TENM3: variants seen among roughly 807,000 people sequenced by gnomAD.
The protein encoded by TENM3 is teneurin-3.
Under a neutral mutation model 255.1 loss-of-function variants are expected in TENM3, and 63 were observed. The ratio of observed to expected loss-of-function variants is 0.25; its 90% CI spans 0.20 to 0.30. The LOEUF (loss-of-function observed/expected upper bound fraction) is 0.30. TENM3 is among the 10% of genes least tolerant of loss of function. TENM3 has a pLI of 1.00. For missense variants in TENM3, 2,929 were observed against 3,461.1 expected, an observed-to-expected ratio of 0.85 and a Z score of 3.86; for synonymous variants, 1,306 against 1,322.3, an observed-to-expected ratio of 0.99 and a Z score of 0.27.
At chr4:181,613,217 G>A in the TENM3 span, among the ~76,000 whole-genome samples, 164 of 152,288 alleles carry the variant, frequency 1.1e-3, no homozygotes, top group African/African-American at 3.5e-3. Flanking sequence ...TGCTACGTAC[G>A]TGAAGGGGAG....
chr4:181,469,199 A>C, the TENM3 span, among the ~76,000 whole-genome samples: 2 of 152,178 alleles, frequency 1.3e-5, no homozygotes, highest in Admixed American at 1.3e-4. Context: ...TTCCTGGCTT[A>C]AGAGTACAAT....
chr4:181,836,183 G>GCACACACACACACACACACACACA, the TENM3 span, among the ~76,000 whole-genome samples: 1 of 148,844 alleles, frequency 6.7e-6, no homozygotes, highest in Admixed American at 6.7e-5. Flanking sequence ...ATACACACAT[G>GCACACACACACACACACACACACA]CACACACACA....
At chr4:182,269,925 G>A (rs938747304) in intron 1 of TENM3, among the ~76,000 whole-genome samples, 2 of 152,130 alleles carry the variant, frequency 1.3e-5, no homozygotes, top group African/African-American at 2.4e-5. Flanking sequence ...ATCAACACAC[G>A]TAAGGTATAC....
chr4:181,499,146 C>T, the TENM3 span, among the ~76,000 whole-genome samples: 1 of 152,190 alleles, frequency 6.6e-6, no homozygotes, highest in Non-Finnish European at 1.5e-5. Context: ...AGGATGACCA[C>T]TTCTAACTCC....
At chr4:181,631,908 T>C in the TENM3 span, among the ~76,000 whole-genome samples, 2 of 152,146 alleles carry the variant, frequency 1.3e-5, no homozygotes, top group African/African-American at 4.8e-5. Flanking sequence ...TCACAGCCTA[T>C]CATTTATGGT....
the TENM3 span, among the ~76,000 whole-genome samples, chr4:181,577,199 A>T: frequency 7.9e-5 from 10 of 125,822 alleles, no homozygotes; most frequent in East Asian, 8.8e-4. Flanking sequence ...TATATATATT[A>T]TATATATATA....
At chr4:182,242,200 C>A (rs888380595), upstream of TENM3, among the ~76,000 whole-genome samples, 8 of 152,008 alleles carry the variant, frequency 5.3e-5, no homozygotes, top group African/African-American at 1.9e-4. Context: ...TAATGCTATC[C>A]CTCCCCACTT....
chr4:182,449,075 C>A, intron 3 of TENM3: 1 of 320,690 alleles, frequency 3.1e-6, no homozygotes. Flanking sequence ...GAGGGCGCGC[C>A]GCGGCAAGGT....
At chr4:182,638,016 C>G (rs1163593551) in intron 5 of TENM3, among the ~76,000 whole-genome samples, 1 of 149,108 alleles carries the variant, frequency 6.7e-6, no homozygotes, top group African/African-American at 2.5e-5. Flanking sequence ...GAAAATTTAT[C>G]CATGTGTTAG....
intron 3 of TENM3, among the ~76,000 whole-genome samples, chr4:182,523,112 G>C (rs1267702595): frequency 6.6e-6 from 1 of 151,988 alleles, no homozygotes; most frequent in Non-Finnish European, 1.5e-5. Flanking sequence ...TGTCTGTTCA[G>C]GCCGTTTGTC....
At chr4:181,581,825 T>G in the TENM3 span, among the ~76,000 whole-genome samples, 1 of 151,530 alleles carries the variant, frequency 6.6e-6, no homozygotes, top group South Asian at 2.1e-4. Context: ...CTCCGCCTCC[T>G]GGAGTCAAGA....
chr4:182,186,851 C>A (rs1753198164), intron 1 of TENM3, among the ~76,000 whole-genome samples: 1 of 122,348 alleles, frequency 8.2e-6, no homozygotes, highest in Admixed American at 9.4e-5. Context: ...TTAGACACCT[C>A]ATTTCTCCAG....
chr4:182,776,627 G>A (rs1310859577), intron 24 of TENM3, among the ~76,000 whole-genome samples: 1 of 152,088 alleles, frequency 6.6e-6, no homozygotes, highest in Non-Finnish European at 1.5e-5. Flanking sequence ...TTATAAGTAA[G>A]TGTGCACTTT....
At chr4:182,357,028 C>T (rs553266030) in intron 3 of TENM3, among the ~76,000 whole-genome samples, 1 of 152,196 alleles carries the variant, frequency 6.6e-6, no homozygotes, top group Admixed American at 6.5e-5. Flanking sequence ...TCATCCATGT[C>T]CCTACAAAGC....
intron 5 of TENM3, among the ~76,000 whole-genome samples, chr4:182,637,312 A>G (rs1170344508): frequency 6.6e-6 from 1 of 152,188 alleles, no homozygotes; most frequent in Non-Finnish European, 1.5e-5. Flanking sequence ...TTGTTCCCAC[A>G]TCATCTTAGA....
intron 22 of TENM3, among the ~76,000 whole-genome samples, chr4:182,770,626 G>A (rs1247963592): frequency 1.9e-3 from 286 of 152,302 alleles, no homozygotes; most frequent in African/African-American, 6.7e-3. Context: ...CCCCACCTGG[G>A]TGCAGCTCTT....
At chr4:182,329,970 A>C (rs1296079130) in intron 2 of TENM3, among the ~76,000 whole-genome samples, 1 of 152,144 alleles carries the variant, frequency 6.6e-6, no homozygotes, top group Non-Finnish European at 1.5e-5. Flanking sequence ...AAGGCAGGTT[A>C]CTTTTTTTTA....
intron 3 of TENM3, among the ~76,000 whole-genome samples, chr4:182,535,424 G>A (rs1172634894): frequency 1.3e-5 from 2 of 152,160 alleles, no homozygotes; most frequent in Admixed American, 6.5e-5. Context: ...CAGAGAGGGA[G>A]TCTTTTTTTC....
chr4:181,551,807 AATATATAT>A, the TENM3 span, among the ~76,000 whole-genome samples: 2,654 of 140,930 alleles, frequency 0.019, 77 homozygotes, highest in African/African-American at 0.06. Flanking sequence ...GGCAGTTAAT[AATATATAT>A]ATATATATAT....
Sources: allele counts gnomAD v4.1 joint callset (sites outside exome capture counted in the v4.1 genomes callset), GRCh38; gene constraint gnomAD v4.1.1; transcripts MANE v1.5; gene names NCBI Gene and HGNC (gene_info 2026-07-23, HGNC 2026-07-21).